The following ROBO2 variants were observed in gnomAD, a reference collection of about 807,000 sequenced individuals.
ROBO2 encodes roundabout guidance receptor 2.
In ROBO2, 53 loss-of-function variants were observed where a neutral mutation model predicts 160.8. The observed-to-expected ratio is 0.33, with a 90% CI of 0.26 to 0.41. ROBO2 has a LOEUF of 0.41. Among genes scored for constraint, ROBO2 ranks in the 10% least tolerant of loss-of-function variants. The pLI, the probability that ROBO2 is intolerant of heterozygous loss-of-function variation, is 1.00. For missense variants in ROBO2, 1,577 were observed against 1,722.4 expected (o/e 0.92, Z 1.49); for synonymous variants, 664 against 611.7 (o/e 1.09, Z -1.26).
chr3:77,059,881 G>A (rs552166202), intron 1 of ROBO2, among the ~76,000 whole-genome samples: 3 of 152,036 alleles, frequency 2.0e-5, no homozygotes, highest in East Asian at 3.9e-4. Flanking sequence ...AGACCATCTG[G>A]CATACCCTTG....
At chr3:76,222,690 T>C (rs72630379) in intron 2 of ROBO2, among the ~76,000 whole-genome samples, 24,231 of 152,034 alleles carry the variant, frequency 0.16, 2,357 homozygotes, top group Middle Eastern at 0.26. Context: ...CATACCAGAC[T>C]ACTATAACAG....
intron 2 of ROBO2, among the ~76,000 whole-genome samples, chr3:76,122,383 T>G (rs973966785): frequency 6.6e-6 from 1 of 152,184 alleles, no homozygotes; most frequent in African/African-American, 2.4e-5. Context: ...TTTATTTTTC[T>G]TGATATTTTT....
At chr3:77,011,294 C>T (rs2149465270) in intron 2 of ROBO2, among the ~76,000 whole-genome samples, 1 of 152,182 alleles carries the variant, frequency 6.6e-6, no homozygotes, top group Non-Finnish European at 1.5e-5. Context: ...TTCAGGGTCT[C>T]CCCTATAGTA....
At chr3:76,803,267 C>G (rs951183210) in intron 2 of ROBO2, among the ~76,000 whole-genome samples, 2 of 152,056 alleles carry the variant, frequency 1.3e-5, no homozygotes, top group Non-Finnish European at 2.9e-5. Flanking sequence ...CTTGAACATA[C>G]TTTCTGGAGC....
intron 2 of ROBO2, among the ~76,000 whole-genome samples, chr3:76,670,303 A>T (rs2110163680): frequency 6.8e-6 from 1 of 147,202 alleles, no homozygotes; most frequent in South Asian, 2.2e-4. Context: ...AGAAAGAATG[A>T]CATAAATCCT....
intron 2 of ROBO2, among the ~76,000 whole-genome samples, chr3:75,999,535 C>T (rs779505946): frequency 4.6e-5 from 7 of 152,028 alleles, no homozygotes; most frequent in Non-Finnish European, 8.8e-5. Flanking sequence ...TTTAATATTA[C>T]GTTATAAAGA....
intron 13 of ROBO2, among the ~76,000 whole-genome samples, chr3:77,568,748 A>G (rs2093560194): frequency 6.6e-6 from 1 of 152,048 alleles, no homozygotes. Context: ...TATCACCAAA[A>G]TCTAATTTTA....
chr3:76,139,589 C>T (rs904787375), intron 2 of ROBO2, among the ~76,000 whole-genome samples: 3 of 151,956 alleles, frequency 2.0e-5, no homozygotes, highest in African/African-American at 7.2e-5. Context: ...CTTCGTCCTC[C>T]AGGAGGGTTT....
chr3:76,757,250 T>G (rs185318899), intron 2 of ROBO2, among the ~76,000 whole-genome samples: 1 of 151,934 alleles, frequency 6.6e-6, no homozygotes, highest in East Asian at 2.0e-4. Flanking sequence ...TCTTAGGTCT[T>G]ACAGTTCTAA....
At chr3:77,061,790 G>A (rs533015911) in intron 1 of ROBO2, among the ~76,000 whole-genome samples, 39 of 152,174 alleles carry the variant, frequency 2.6e-4, no homozygotes, top group African/African-American at 7.9e-4. Flanking sequence ...ACTGAGTTCC[G>A]GGTGGAACCA....
intron 2 of ROBO2, among the ~76,000 whole-genome samples, chr3:76,611,894 A>G (rs2088155238): frequency 6.6e-6 from 1 of 152,062 alleles, no homozygotes; most frequent in South Asian, 2.1e-4. Context: ...TGAGGCATTT[A>G]CTGCTATAAA....
intron 5 of ROBO2, among the ~76,000 whole-genome samples, chr3:77,495,235 C>T (rs576621203): frequency 6.6e-5 from 10 of 152,052 alleles, no homozygotes; most frequent in African/African-American, 2.4e-4. Flanking sequence ...GAGTATATGC[C>T]CTTGTGCATT....
chr3:76,124,179 C>T (rs150521742), intron 2 of ROBO2, among the ~76,000 whole-genome samples: 71 of 152,026 alleles, frequency 4.7e-4, no homozygotes, highest in African/African-American at 1.1e-3. Context: ...TGAAAAAATT[C>T]GAAAATATGC....
At chr3:76,078,425 G>A (rs764454741) in intron 2 of ROBO2, among the ~76,000 whole-genome samples, 1 of 152,068 alleles carries the variant, frequency 6.6e-6, no homozygotes, top group Admixed American at 6.6e-5. Context: ...GAGTGCAATA[G>A]CATGATCATA....
intron 22 of ROBO2, among the ~76,000 whole-genome samples, chr3:77,621,119 C>T (rs969842392): frequency 1.3e-5 from 2 of 152,108 alleles, no homozygotes; most frequent in African/African-American, 4.8e-5. Context: ...TTGACCTTCA[C>T]TTTAATAAAT....
At chr3:76,907,980 T>C (rs2075727444) in intron 2 of ROBO2, among the ~76,000 whole-genome samples, 1 of 151,878 alleles carries the variant, frequency 6.6e-6, no homozygotes, top group South Asian at 2.1e-4. Context: ...GCTGGGATTA[T>C]AGGCGCCCAC....
intron 2 of ROBO2, among the ~76,000 whole-genome samples, chr3:76,221,901 G>T (rs528058631): frequency 1.3e-5 from 2 of 152,242 alleles, no homozygotes; most frequent in South Asian, 4.2e-4. Context: ...AACCTGAGAA[G>T]GGTCTATTCC....
chr3:77,061,288 A>G (rs961313970), intron 1 of ROBO2, among the ~76,000 whole-genome samples: 3 of 152,186 alleles, frequency 2.0e-5, no homozygotes, highest in Non-Finnish European at 4.4e-5. Context: ...TGGAGTTGCT[A>G]TAATTGCAAG....
intron 20 of ROBO2, among the ~76,000 whole-genome samples, chr3:77,604,672 G>T (rs925909776): frequency 1.2e-4 from 18 of 151,984 alleles, no homozygotes; most frequent in Non-Finnish European, 2.5e-4. Context: ...TCTCTTTTTA[G>T]TTTAGTTCAA....
Sources: gnomAD v4.1 joint callset for allele counts (sites outside exome capture counted in the v4.1 genomes callset) on GRCh38, gnomAD v4.1.1 for gene constraint, MANE v1.5 for transcripts, NCBI Gene and HGNC (gene_info 2026-07-23, HGNC 2026-07-21) for gene names.